FNDC3B: variants seen among roughly 807,000 people sequenced by gnomAD.
FNDC3B encodes fibronectin type III domain-containing protein 3B.
Under a neutral mutation model 151.5 loss-of-function variants are expected in FNDC3B, and 12 were observed. The ratio of observed to expected loss-of-function variants is 0.08; its 90% CI spans 0.05 to 0.13. The LOEUF is 0.13. Among genes scored for constraint, FNDC3B ranks in the 10% least tolerant of loss-of-function variants. The probability of loss-of-function intolerance (pLI) is 1.00; values close to 1 mark genes in which losing one functional copy is unlikely to be tolerated. For missense variants in FNDC3B, 1,214 were observed against 1,505.3 expected, an observed-to-expected ratio of 0.81 and a Z score of 3.20; for synonymous variants, 528 against 549.0, an observed-to-expected ratio of 0.96 and a Z score of 0.54.
intron 6 of FNDC3B, among the ~76,000 whole-genome samples, chr3:172,274,255 A>G (rs1017766659): frequency 1.3e-5 from 2 of 152,190 alleles, no homozygotes; most frequent in Non-Finnish European, 2.9e-5. Context: ...TAGTATAAAC[A>G]TGTTTAAACT....
At chr3:172,291,705 C>T (rs562513456) in intron 7 of FNDC3B, among the ~76,000 whole-genome samples, 8 of 152,210 alleles carry the variant, frequency 5.3e-5, no homozygotes, top group South Asian at 2.1e-4. Context: ...TTTCTAGTTA[C>T]GGTAGGTTAA....
intron 3 of FNDC3B, among the ~76,000 whole-genome samples, chr3:172,182,936 A>G (rs1576773052): frequency 6.6e-6 from 1 of 152,384 alleles, no homozygotes; most frequent in East Asian, 1.9e-4. Context: ...CACTAGCAGC[A>G]GAGAAATTAC....
chr3:172,251,177 A>G lies in FNDC3B; in HGVS notation c.509-83A>G, dbSNP rs538544568. ...CTTCCTTTATACTTTAGACTTCTTC[A>G]GGAGCCAGATCATTTGACCATTTAA... On this transcript the variant is annotated intron_variant, in intron 5 of 25. Coordinates refer to ENST00000415807, the MANE Select transcript of FNDC3B (RefSeq NM_022763.4). The G allele has an allele frequency of 1.5e-4, 163 of 1,093,312 alleles. 1 individual carries two copies. In the African/African-American group the frequency reaches 2.2e-3, roughly 15 times the overall value. The allele number at this position is 1,093,312 out of a possible 1,614,324, so 67.7% of individuals were successfully genotyped here.
At chr3:172,297,235 C>A (rs1730661108) in intron 8 of FNDC3B, among the ~76,000 whole-genome samples, 1 of 152,122 alleles carries the variant, frequency 6.6e-6, no homozygotes, top group African/African-American at 2.4e-5. Flanking sequence ...TTTAAAGATA[C>A]AATGTAGGCC....
intron 3 of FNDC3B, among the ~76,000 whole-genome samples, chr3:172,150,642 C>T (rs1722171695): frequency 6.6e-6 from 1 of 151,690 alleles, no homozygotes; most frequent in Admixed American, 6.6e-5. Flanking sequence ...GAGATAACAC[C>T]ACCGATTAAG....
intron 11 of FNDC3B, among the ~76,000 whole-genome samples, chr3:172,320,592 C>G (rs1732033996): frequency 6.6e-6 from 1 of 152,160 alleles, no homozygotes; most frequent in Admixed American, 6.5e-5. Flanking sequence ...AATTTAAAAG[C>G]AGTTGAAAAT....
At chr3:172,333,843 G>T (rs1732814529) in intron 14 of FNDC3B, among the ~76,000 whole-genome samples, 1 of 151,986 alleles carries the variant, frequency 6.6e-6, no homozygotes, top group South Asian at 2.1e-4. Flanking sequence ...TTGCTCTTCT[G>T]CCCATTTATT....
intron 2 of FNDC3B, among the ~76,000 whole-genome samples, chr3:172,116,807 C>T (rs1334587545): frequency 1.3e-5 from 2 of 152,222 alleles, no homozygotes; most frequent in African/African-American, 4.8e-5. Flanking sequence ...CTCAAGTGAT[C>T]TGCCCGCCTT....
chr3:172,312,502 A>C (rs1015532917), intron 11 of FNDC3B, among the ~76,000 whole-genome samples: 1 of 152,228 alleles, frequency 6.6e-6, no homozygotes, highest in African/African-American at 2.4e-5. Context: ...TTGTAAGGAC[A>C]GGTGACCGTT....
At chr3:172,045,270 C>T (rs1459859805) in intron 1 of FNDC3B, among the ~76,000 whole-genome samples, 1 of 152,158 alleles carries the variant, frequency 6.6e-6, no homozygotes, top group African/African-American at 2.4e-5. Flanking sequence ...TATTTTACCC[C>T]ACTCCTAATG....
Position 172,392,673 on chromosome 3 carries a change from G to C in FNDC3B, c.3304-4491G>C, listed in dbSNP as rs539000356. Among the ~76,000 whole-genome samples the C allele has an allele frequency of 5.3e-5, 8 of 152,124 alleles. No individual in the cohort carries two copies. In the South Asian group the frequency reaches 1.7e-3, roughly 32 times the overall value. ...TTGTAGATTCCCGCTAACTGAATAG[G>C]TGGCAAGTGTTTTAGGCAAAGGTGA... On this transcript the variant is annotated intron_variant, in intron 25 of 25. Coordinates refer to ENST00000415807, the MANE Select transcript of FNDC3B (RefSeq NM_022763.4).
chr3:172,394,106 T>TAAAAAAAAAAAAAAAAAAAAAAAAA (rs60559371), intron 25 of FNDC3B, among the ~76,000 whole-genome samples: 2 of 16,648 alleles, frequency 1.2e-4, no homozygotes, highest in East Asian at 2.8e-3. Context: ...AGACTCCTTC[T>TAAAAAAAAAAAAAAAAAAAAAAAAA]AAAAAAAAAA....
intron 25 of FNDC3B, among the ~76,000 whole-genome samples, chr3:172,381,773 T>TC (rs1327451939): frequency 2.0e-5 from 3 of 152,350 alleles, no homozygotes; most frequent in African/African-American, 7.2e-5. Context: ...TTCCACTTCA[T>TC]CCATGTCCCT....
intron 25 of FNDC3B, among the ~76,000 whole-genome samples, chr3:172,389,925 TA>T (rs1444975388): frequency 1.3e-5 from 2 of 152,230 alleles, no homozygotes; most frequent in Admixed American, 6.5e-5. Flanking sequence ...TTTCTATCAA[TA>T]GACTCCATTT....
chr3:172,045,684 A>G (rs1334996338), intron 1 of FNDC3B, among the ~76,000 whole-genome samples: 3 of 152,082 alleles, frequency 2.0e-5, no homozygotes, highest in Non-Finnish European at 4.4e-5. Flanking sequence ...ATTATTTTCA[A>G]GTAAATTAAT....
chr3:172,308,097 A>G (rs1001823615), intron 10 of FNDC3B, among the ~76,000 whole-genome samples: 10 of 152,356 alleles, frequency 6.6e-5, no homozygotes, highest in Non-Finnish European at 1.3e-4. Context: ...TGTTTAATAC[A>G]TAAAACAACC....
In FNDC3B at chr3:172,287,944, C is replaced by T. The variant is rs1035310193; in HGVS notation, c.849+1960C>T. Among the ~76,000 whole-genome samples the T allele has an allele frequency of 6.6e-5, 10 of 152,274 alleles. No homozygotes were observed. The East Asian group carries it at 1.2e-3, about 18-fold the overall frequency. On this transcript the variant is annotated intron_variant, in intron 7 of 25. Coordinates refer to ENST00000415807, the MANE Select transcript of FNDC3B (RefSeq NM_022763.4). Reference sequence around the variant, plus strand: ...CTGTATCATTTGGAAACAAGCATTGCTTGGCTACAGAAGCACACAGATGTT... The same window carrying T: ...CTGTATCATTTGGAAACAAGCATTGTTTGGCTACAGAAGCACACAGATGTT...
intron 1 of FNDC3B, among the ~76,000 whole-genome samples, chr3:172,069,119 C>A (rs1717645079): frequency 6.6e-6 from 1 of 152,144 alleles, no homozygotes; most frequent in Non-Finnish European, 1.5e-5. Context: ...TCTTGTACTT[C>A]TGCTGCAAAA....
chr3:172,201,480 T>C (rs1267517871), intron 3 of FNDC3B, among the ~76,000 whole-genome samples: 2 of 152,210 alleles, frequency 1.3e-5, no homozygotes, highest in Non-Finnish European at 2.9e-5. Flanking sequence ...CTTCTGCCAC[T>C]GGGCTCTTTT....
Sources: gnomAD v4.1 joint callset for allele counts (sites outside exome capture counted in the v4.1 genomes callset) on GRCh38, gnomAD v4.1.1 for gene constraint, MANE v1.5 for transcripts, NCBI Gene and HGNC (gene_info 2026-07-23, HGNC 2026-07-21) for gene names.